The following HVCN1 variants were observed in gnomAD, a reference collection of about 807,000 sequenced individuals.
HVCN1 encodes the protein voltage-gated hydrogen channel 1.
In HVCN1, 14 loss-of-function variants were observed where a neutral mutation model predicts 29.2. The observed-to-expected ratio is 0.48, with a 90% CI of 0.32 to 0.75. HVCN1 has a LOEUF of 0.75. Among genes scored for constraint, HVCN1 ranks in the 30% least tolerant of loss-of-function variants. The pLI is 0.04. For missense variants in HVCN1, 263 were observed against 341.8 expected (o/e 0.77, Z 1.82); for synonymous variants, 131 against 133.2 (o/e 0.98, Z 0.11).
At chr12:110,692,844 C>A (rs571189792), upstream of HVCN1, among the ~76,000 whole-genome samples, 1 of 152,224 alleles carries the variant, frequency 6.6e-6, no homozygotes, top group Non-Finnish European at 1.5e-5. Flanking sequence ...TTTTCATTAA[C>A]CTCTAACTGA....
intron 3 of HVCN1, among the ~76,000 whole-genome samples, chr12:110,677,088 C>T (rs923512806): frequency 6.6e-6 from 1 of 151,980 alleles, no homozygotes; most frequent in Non-Finnish European, 1.5e-5. Flanking sequence ...GCCTCTAGTC[C>T]CAGTTACTTG....
chr12:110,650,230 T>C lies in HVCN1; in HGVS notation c.694A>G (p.Lys232Glu). The change falls in exon 7 of 8, where the codon AAA becomes GAA. Residue 232 changes from lysine to glutamate, a missense_variant. Around this residue, in one of 3 missense-constraint regions of HVCN1, gnomAD observed 51 missense variants for 51.1 expected, o/e 1.00. Transcript: ENST00000242607. ...GCGGCCAATTGTACATTCATCTGTT[T>C]TAACCTTAAGAGTTGCCGTTCTGAA... The part of the protein sequence containing the change: ...TRSERQLLRL[K>E]QMNVQLAAKI... 1 of 1,613,710 alleles carries C rather than the reference T, an allele frequency of 6.2e-7. No individual in the cohort carries two copies. The highest frequency in any genetic ancestry group is 8.5e-7 in the Non-Finnish European group (1 of 1,179,628).
intron 1 of HVCN1, among the ~76,000 whole-genome samples, chr12:110,704,054 G>T (rs1489251657): frequency 1.3e-5 from 2 of 152,024 alleles, no homozygotes; most frequent in Non-Finnish European, 2.9e-5. Flanking sequence ...CAGTTTGATT[G>T]ACAATTTGAC....
At chr12:110,650,521 C>G (rs909727645) in intron 6 of HVCN1, among the ~76,000 whole-genome samples, 4 of 152,140 alleles carry the variant, frequency 2.6e-5, no homozygotes, top group African/African-American at 9.7e-5. Flanking sequence ...TAATCACTGA[C>G]AAGATGAGCA....
intron 3 of HVCN1, among the ~76,000 whole-genome samples, chr12:110,664,381 T>C (rs1415456419): frequency 6.6e-6 from 1 of 152,198 alleles, no homozygotes; most frequent in East Asian, 1.9e-4. Context: ...TATGGAAGAA[T>C]AAGAACAATG....
chr12:110,684,035 G>A (rs755887797), intron 2 of HVCN1, among the ~76,000 whole-genome samples: 1 of 151,462 alleles, frequency 6.6e-6, no homozygotes, highest in Non-Finnish European at 1.5e-5. Context: ...GTCACATATT[G>A]TATGATTCCA....
At chr12:110,657,296 C>T (rs1413167900) in intron 4 of HVCN1, among the ~76,000 whole-genome samples, 1 of 151,968 alleles carries the variant, frequency 6.6e-6, no homozygotes, top group Admixed American at 6.6e-5. Flanking sequence ...GAGTTCGAGA[C>T]CAGCCTGGCT....
At position 110,649,434 on chromosome 12, in the gene HVCN1, A is replaced by C; in HGVS notation, c.798T>G (p.His266Gln). Residue 266 changes from histidine (H) to glutamine (Q), a missense_variant, in exon 8 of 8, where the codon CAT (histidine) becomes CAG (glutamine). This residue lies in a region of HVCN1 where 51 missense variants were observed against 51.1 expected (regional missense o/e 1.00). Coordinates refer to ENST00000242607, the MANE Select transcript of HVCN1 (RefSeq NM_032369.4). ...TCTAGTTCACTTCACCAAGAAGTCC[A>C]TGCTGTCGCAATAGTTTGTTAAGTC... ...IERLNKLLRQ[H>Q]GLLGEVN 1 of 1,609,184 alleles carries C rather than the reference A, an allele frequency of 6.2e-7. No individual in the cohort carries two copies. The highest frequency in any genetic ancestry group is 8.5e-7 in the Non-Finnish European group (1 of 1,176,908).
intron 2 of HVCN1, chr12:110,688,211 G>A (rs1397661297): frequency 6.6e-6 from 1 of 152,236 alleles, no homozygotes; most frequent in Non-Finnish European, 1.5e-5. Flanking sequence ...AATCCTGCGA[G>A]GTAGGTACAT....
At position 110,670,893 on chromosome 12, in the gene HVCN1, T is replaced by C. The variant is rs915387337; in HGVS notation, c.22-9445A>G. Among the ~76,000 whole-genome samples, 19 of 152,124 alleles carry C rather than the reference T, an allele frequency of 1.2e-4. 1 individual carries two copies. Among genetic ancestry groups the C allele is most frequent in the Non-Finnish European group, 2.4e-4 (16 of 68,018 alleles). On this transcript the variant is annotated intron_variant, in intron 3 of 7. Coordinates refer to ENST00000242607, the MANE Select transcript of HVCN1 (RefSeq NM_032369.4). Reference sequence around the variant, plus strand: ...CCCTAAATCTGGTGATTGGTGTCCTTACAAAAAGAGAAAAGGGGCCAGGCG... The same window carrying C: ...CCCTAAATCTGGTGATTGGTGTCCTCACAAAAAGAGAAAAGGGGCCAGGCG...
chr12:110,689,913 C>T (rs2069365499), upstream of HVCN1: 1 of 152,386 alleles, frequency 6.6e-6, no homozygotes, highest in Non-Finnish European at 1.5e-5. The surrounding 1 kb of genome is among the most constrained non-coding windows in gnomAD (Gnocchi z 5.7). Flanking sequence ...CCTGCAAAGC[C>T]GTCTTCTGCA....
Position 110,683,026 on chromosome 12 carries a change from G to C in HVCN1, c.21+199C>G, listed in dbSNP as rs2069039874. On this transcript the variant is annotated intron_variant, in intron 3 of 7. Transcript: ENST00000242607. ...TAACATACAGGGCTGGGATTCAAAT[G>C]GTCTGATGTGGAATATCAGGCTACT... 3 of 650,790 alleles carry C rather than the reference G, an allele frequency of 4.6e-6. No individual in the cohort carries two copies. In the South Asian group the frequency reaches 5.3e-5, roughly 11 times the overall value. The allele number at this position is 650,790 out of a possible 1,614,324, so 40.3% of individuals were successfully genotyped here.
chr12:110,654,490 T>C (rs1333695609), intron 5 of HVCN1, among the ~76,000 whole-genome samples: 159 of 150,518 alleles, frequency 1.1e-3, no homozygotes, highest in African/African-American at 3.7e-3. Flanking sequence ...TTTTTTTTTT[T>C]TCCTGGAGAC....
At chr12:110,677,925 G>C (rs2068801502) in intron 3 of HVCN1, among the ~76,000 whole-genome samples, 1 of 152,202 alleles carries the variant, frequency 6.6e-6, no homozygotes, top group African/African-American at 2.4e-5. Flanking sequence ...AGATGAGCCG[G>C]TCAGCCTGGT....
intron 2 of HVCN1, among the ~76,000 whole-genome samples, chr12:110,699,295 C>T (rs1461764091): frequency 6.6e-6 from 1 of 152,178 alleles, no homozygotes; most frequent in Admixed American, 6.5e-5. Context: ...CCAGGCATCC[C>T]CCTCTTCCTG....
chr12:110,703,842 G>A (rs1383677618), intron 1 of HVCN1, among the ~76,000 whole-genome samples: 1 of 152,078 alleles, frequency 6.6e-6, no homozygotes, highest in Non-Finnish European at 1.5e-5. Context: ...GCGCCACCAT[G>A]CCTGGCTAAT....
chr12:110,693,260 C>T (rs2069440693), upstream of HVCN1, among the ~76,000 whole-genome samples: 1 of 152,084 alleles, frequency 6.6e-6, no homozygotes, highest in Admixed American at 6.6e-5. Context: ...ACGTCACTAA[C>T]TGGCCAGGCG....
chr12:110,677,933 G>T (rs989726889), intron 3 of HVCN1, among the ~76,000 whole-genome samples: 1 of 152,194 alleles, frequency 6.6e-6, no homozygotes, highest in Non-Finnish European at 1.5e-5. Context: ...CGGTCAGCCT[G>T]GTGAGATGAT....
At chr12:110,694,714 A>G (rs1030819880), upstream of HVCN1, among the ~76,000 whole-genome samples, 2 of 152,180 alleles carry the variant, frequency 1.3e-5, no homozygotes, top group African/African-American at 2.4e-5. The surrounding 1 kb of genome is among the most constrained non-coding windows in gnomAD (Gnocchi z 4.6). Context: ...TTCCCAGCAG[A>G]TAAGATTTAT....
Sources: gnomAD v4.1 joint callset for allele counts (sites outside exome capture counted in the v4.1 genomes callset) on GRCh38, gnomAD v4.1.1 for gene constraint, gnomAD v4.1.1 regional missense constraint, Gnocchi (gnomAD v3.1) non-coding constraint, MANE v1.5 for transcripts, NCBI Gene and HGNC (gene_info 2026-07-23, HGNC 2026-07-21) for gene names.